The following TBC1D22A variants were observed in gnomAD, a reference collection of about 807,000 sequenced individuals.
TBC1D22A encodes putative GTPase activator.
In TBC1D22A, 38 loss-of-function variants were observed where a neutral mutation model predicts 60.2. That is an observed-to-expected ratio of 0.63 (90% CI 0.49 to 0.83). The LOEUF (loss-of-function observed/expected upper bound fraction) is 0.83. Ranked by LOEUF, TBC1D22A falls within the 40% of genes least tolerant of loss-of-function variation. The probability of loss-of-function intolerance (pLI) is 0.00; values close to 1 mark genes in which losing one functional copy is unlikely to be tolerated. For synonymous variants in TBC1D22A, 302 were observed against 281.7 expected (o/e 1.07, Z -0.72); for missense variants, 628 against 701.0 (o/e 0.90, Z 1.18).
Position 47,111,531 on chromosome 22 carries a change from T to C in TBC1D22A, c.1353T>C (p.His451=). 1 of 1,614,074 alleles carries C rather than the reference T, an allele frequency of 6.2e-7. No individual in the cohort carries two copies. The highest frequency in any genetic ancestry group is 8.5e-7 in the Non-Finnish European group (1 of 1,180,006). The change falls in exon 12 of 13, where the codon CAT becomes CAC. Residue 451 remains histidine (H), a synonymous_variant. Transcript: ENST00000337137. ...AGTCTGAACCGGACGGCTTTTCTCA[T>C]TTCCACTTGTACGTGTGCGCTGCTT... is the stretch of plus-strand genomic sequence containing the variant. ...TYQSEPDGFS[H]FHLYVCAAFL...
At chr22:46,829,968 A>T (rs1427075380) in intron 4 of TBC1D22A, among the ~76,000 whole-genome samples, 1 of 152,236 alleles carries the variant, frequency 6.6e-6, no homozygotes, top group African/African-American at 2.4e-5. Context: ...GAGCAGGGGT[A>T]CACAGGGAAA....
chr22:46,960,161 T>A (rs914454819), intron 8 of TBC1D22A, among the ~76,000 whole-genome samples: 10 of 152,198 alleles, frequency 6.6e-5, no homozygotes, highest in Admixed American at 6.5e-5. Flanking sequence ...CTTACCTGCC[T>A]CCAACAGGAA....
chr22:46,956,080 T>G (rs1384952414), intron 8 of TBC1D22A, among the ~76,000 whole-genome samples: 1 of 152,184 alleles, frequency 6.6e-6, no homozygotes, highest in Non-Finnish European at 1.5e-5. Flanking sequence ...ACATAAAACT[T>G]CATATTTAGT....
intron 7 of TBC1D22A, among the ~76,000 whole-genome samples, chr22:46,911,147 A>G (rs984265071): frequency 6.6e-6 from 1 of 152,054 alleles, no homozygotes; most frequent in Non-Finnish European, 1.5e-5. Flanking sequence ...AACCCTCCTT[A>G]TGAGTGAAGA....
intron 7 of TBC1D22A, among the ~76,000 whole-genome samples, chr22:46,909,193 TTG>T (rs200748602): frequency 9.9e-5 from 15 of 151,876 alleles, no homozygotes; most frequent in African/African-American, 3.6e-4. Context: ...AAGTGTGTGT[TTG>T]TGTGTGTGTG....
At chr22:47,106,780 G>A (rs573572880) in intron 11 of TBC1D22A, among the ~76,000 whole-genome samples, 36 of 152,200 alleles carry the variant, frequency 2.4e-4, no homozygotes, top group South Asian at 6.2e-4. Flanking sequence ...TATAACTTTC[G>A]GAGGCTGAGG....
At chr22:46,766,796 CA>C (rs2083302143) in intron 1 of TBC1D22A, among the ~76,000 whole-genome samples, 1 of 151,830 alleles carries the variant, frequency 6.6e-6, no homozygotes, top group African/African-American at 2.4e-5. Context: ...TTGGCCTCCC[CA>C]AGTGCTGAGA....
chr22:46,798,103 C>T (rs2084737346), intron 4 of TBC1D22A, among the ~76,000 whole-genome samples: 1 of 152,220 alleles, frequency 6.6e-6, no homozygotes, highest in South Asian at 2.1e-4. Context: ...TCTTGAACTC[C>T]TAGGCTTAAG....
At chr22:46,762,884 G>T (rs1302489606) in intron 1 of TBC1D22A, 36 bp downstream of exon 1, 4 of 1,469,736 alleles carry the variant, frequency 2.7e-6, no homozygotes, top group Non-Finnish European at 3.6e-6. Flanking sequence ...CGGGGTCAGG[G>T]GTCAGAGGTC....
At chr22:46,950,517 C>T (rs139418176) in intron 8 of TBC1D22A, among the ~76,000 whole-genome samples, 8 of 152,284 alleles carry the variant, frequency 5.3e-5, no homozygotes, top group East Asian at 3.9e-4. Context: ...CCTTTAGGGC[C>T]GATGGCTGGA....
In TBC1D22A at chr22:46,910,895, G is replaced by C. The variant is rs6009049; in HGVS notation, c.901-1179G>C. On this transcript the variant is annotated intron_variant, in intron 7 of 12. Transcript: ENST00000337137. ...GCTTTCCAGGCAGCGGTAGGAGTAC[G>C]GGCTGATGACTGGCAGGCTCAGTTG... is the stretch of plus-strand genomic sequence containing the variant. Among the ~76,000 whole-genome samples the C allele has an allele frequency of 9.1e-3, 1,373 of 150,490 alleles. 21 individuals are homozygous for C. Among genetic ancestry groups the C allele is most frequent in the African/African-American group, 0.033 (1,314 of 39,896 alleles).
At chr22:47,007,855 G>A (rs2061639767) in intron 10 of TBC1D22A, among the ~76,000 whole-genome samples, 1 of 152,196 alleles carries the variant, frequency 6.6e-6, no homozygotes, top group Non-Finnish European at 1.5e-5. Context: ...CAGCCACACT[G>A]TGTGTTAGGG....
At chr22:46,887,078 A>G (rs2068156080) in intron 5 of TBC1D22A, among the ~76,000 whole-genome samples, 1 of 152,222 alleles carries the variant, frequency 6.6e-6, no homozygotes, top group Admixed American at 6.5e-5. Context: ...AAGTCACAGA[A>G]GGAGGCTGTT....
intron 4 of TBC1D22A, among the ~76,000 whole-genome samples, chr22:46,831,639 C>T (rs1225220864): frequency 6.6e-6 from 1 of 152,166 alleles, no homozygotes; most frequent in Non-Finnish European, 1.5e-5. Context: ...CACAGAGGAA[C>T]AGAGCAGCAC....
At chr22:46,952,436 AGCAGGTTTAGGAG>A (rs2072964221) in intron 8 of TBC1D22A, among the ~76,000 whole-genome samples, 4 of 152,168 alleles carry the variant, frequency 2.6e-5, no homozygotes, top group African/African-American at 9.7e-5. Context: ...AGTGGCTTTT[AGCAGGTTTAGGAG>A]CCTCCTGACA....
At chr22:46,902,478 A>G (rs1202897797) in intron 7 of TBC1D22A, among the ~76,000 whole-genome samples, 1 of 152,252 alleles carries the variant, frequency 6.6e-6, no homozygotes, top group Non-Finnish European at 1.5e-5. Flanking sequence ...GAACCATTTC[A>G]GATTATTCTG....
intron 11 of TBC1D22A, among the ~76,000 whole-genome samples, chr22:47,057,027 T>C (rs1184511642): frequency 6.6e-6 from 1 of 152,202 alleles, no homozygotes; most frequent in Non-Finnish European, 1.5e-5. Context: ...AGAGAACCCG[T>C]GAGGTCAGCC....
intron 4 of TBC1D22A, among the ~76,000 whole-genome samples, chr22:46,837,497 A>C (rs1358930183): frequency 6.6e-6 from 1 of 152,212 alleles, no homozygotes; most frequent in East Asian, 1.9e-4. Context: ...TTATTGGACC[A>C]CAAAACAAGT....
chr22:47,124,446 G>A (rs758622856), intron 12 of TBC1D22A, among the ~76,000 whole-genome samples: 13 of 152,234 alleles, frequency 8.5e-5, no homozygotes, highest in Non-Finnish European at 1.6e-4. Context: ...GCCTAGGGGC[G>A]CATGTCCTGG....
Sources: allele counts gnomAD v4.1 joint callset (sites outside exome capture counted in the v4.1 genomes callset), GRCh38; gene constraint gnomAD v4.1.1; transcripts MANE v1.5; gene names NCBI Gene and HGNC (gene_info 2026-07-23, HGNC 2026-07-21).